EFHC2: variants seen among roughly 807,000 people sequenced by gnomAD.
The protein encoded by EFHC2 is EF-hand domain-containing family member C2.
EFHC2 carries 18 observed loss-of-function variants against 52.7 expected under a neutral mutation model. The observed-to-expected ratio is 0.34, with a 90% CI of 0.24 to 0.51. The LOEUF (loss-of-function observed/expected upper bound fraction) is 0.51, where lower values mean the gene tolerates loss of function less well. EFHC2 is among the 20% of genes least tolerant of loss of function. EFHC2 has a pLI of 0.97. For missense variants in EFHC2, 513 were observed against 562.5 expected (o/e 0.91, Z 0.89); for synonymous variants, 203 against 204.1 (o/e 0.99, Z 0.04).
At position 44,148,622 on chromosome X, in the gene EFHC2, T is replaced by C. The variant is rs2036542943; in HGVS notation, c.*173A>G. 9.5e-6 allele frequency: 4 copies of C among 422,453 alleles called. No individual in the cohort carries two copies. The Admixed American group carries it at 1.5e-4, about 16-fold the overall frequency. The allele number at this position is 422,453 out of a possible 1,213,427, so 34.8% of individuals were successfully genotyped here. A position where few individuals can be genotyped will look rare whatever the true frequency, so the allele number is the denominator to read the frequency against. On this transcript the variant is annotated 3_prime_UTR_variant, in exon 15 of 15. Transcript: ENST00000420999. ...AAATAGTAACAGTACGTCGGCAATGTAACATGATGTTCTGTAAAACTAACA... is the reference window on the plus strand; with the variant it reads ...AAATAGTAACAGTACGTCGGCAATGCAACATGATGTTCTGTAAAACTAACA...
At chrX:44,283,425 G>A (rs1014428403) in intron 2 of EFHC2, among the ~76,000 whole-genome samples, 1 of 111,218 alleles carries the variant, frequency 9.0e-6, no homozygotes, top group African/African-American at 3.3e-5. Flanking sequence ...CTCGTGATCC[G>A]CCCACCTCGG....
chrX:44,263,263 T>C (rs748647130), intron 3 of EFHC2, among the ~76,000 whole-genome samples: 6 of 112,541 alleles, frequency 5.3e-5, no homozygotes, highest in Admixed American at 9.4e-5. Context: ...CCTATCTTCT[T>C]TGTATTTTAT....
At chrX:44,230,909 CTGT>C (rs1240657831) in intron 10 of EFHC2, among the ~76,000 whole-genome samples, 1 of 111,320 alleles carries the variant, frequency 9.0e-6, no homozygotes, top group African/African-American at 3.3e-5. Context: ...CAAACAGGCA[CTGT>C]TGTTCCTCCC....
chrX:44,309,845 G>GC, intron 2 of EFHC2: 1 of 1,178,014 alleles, frequency 8.5e-7, no homozygotes, highest in Non-Finnish European at 1.2e-6. Flanking sequence ...CCAATCCAGC[G>GC]CAAGGCCCAA....
chrX:44,191,477 T>A (rs1442198835), intron 11 of EFHC2, among the ~76,000 whole-genome samples: 1 of 111,782 alleles, frequency 8.9e-6, no homozygotes, highest in African/African-American at 3.3e-5. Context: ...CCTTAGGTGA[T>A]CCACCTGCTT....
At chrX:44,229,270 G>A (rs763239146) in intron 11 of EFHC2, among the ~76,000 whole-genome samples, 3 of 111,764 alleles carry the variant, frequency 2.7e-5, no homozygotes, top group Non-Finnish European at 5.6e-5. Context: ...TCACATTCCT[G>A]GAGATGTCCC....
At chrX:44,318,455 C>G (rs1184726334) in intron 1 of EFHC2, among the ~76,000 whole-genome samples, 8 of 111,857 alleles carry the variant, frequency 7.2e-5, no homozygotes, top group African/African-American at 2.6e-4. Flanking sequence ...ACAGTGGGGA[C>G]AGCTGCACAG....
intron 8 of EFHC2, among the ~76,000 whole-genome samples, chrX:44,241,134 C>T (rs2037356201): frequency 9.0e-6 from 1 of 111,194 alleles, no homozygotes; most frequent in African/African-American, 3.3e-5. Context: ...TGCTTCTCCC[C>T]AGAATCTCCT....
intron 10 of EFHC2, among the ~76,000 whole-genome samples, chrX:44,231,158 C>T (rs1017550661): frequency 1.8e-5 from 2 of 111,975 alleles, no homozygotes; most frequent in Non-Finnish European, 3.8e-5. Flanking sequence ...CCATGGAGGG[C>T]GCTTCTCAGG....
In EFHC2 at chrX:44,248,325, A is replaced by G. The variant is rs766821631; in HGVS notation, c.1058T>C (p.Leu353Pro). The change falls in exon 7 of 15, where the codon CTT becomes CCT. Residue 353 changes from leucine (L) to proline (P), a missense_variant. Transcript: ENST00000420999. ...CTTCGTAAATTCATCACAGTCATAAAGGAGCACTTTTCTTCCCCACACATT... is the reference window on the plus strand; with the variant it reads ...CTTCGTAAATTCATCACAGTCATAAGGGAGCACTTTTCTTCCCCACACATT... ...TINVWGRKVLLYDCDEFTKSY... is the reference protein window; with the variant it reads ...TINVWGRKVLPYDCDEFTKSY... 2 of 1,169,160 alleles carry G rather than the reference A, an allele frequency of 1.7e-6. No individual in the cohort carries two copies. Among genetic ancestry groups the G allele is most frequent in the East Asian group, 3.2e-5 (1 of 31,281 alleles).
intron 3 of EFHC2, among the ~76,000 whole-genome samples, chrX:44,271,447 G>C (rs772387848): frequency 9.0e-6 from 1 of 111,398 alleles, no homozygotes; most frequent in Non-Finnish European, 1.9e-5. Flanking sequence ...ATTGTAGTTA[G>C]AGAAGACAAT....
At chrX:44,177,113 T>A (rs751957874) in intron 12 of EFHC2, among the ~76,000 whole-genome samples, 1 of 111,801 alleles carries the variant, frequency 8.9e-6, no homozygotes, top group East Asian at 2.8e-4. Flanking sequence ...GCCCCATTGT[T>A]CCTAAGAAGT....
At chrX:44,315,146 T>TC (rs1301088591) in intron 1 of EFHC2, among the ~76,000 whole-genome samples, 1 of 110,151 alleles carries the variant, frequency 9.1e-6, no homozygotes, top group African/African-American at 3.3e-5. Context: ...GTCTGGGACC[T>TC]CCCCCTTCTC....
intron 11 of EFHC2, among the ~76,000 whole-genome samples, chrX:44,215,445 T>G (rs1192063323): frequency 9.3e-6 from 1 of 107,464 alleles, no homozygotes; most frequent in Non-Finnish European, 1.9e-5. Context: ...AATGATAGTT[T>G]CTTACAAAGT....
At chrX:44,295,522 T>C (rs1191779933) in intron 2 of EFHC2, among the ~76,000 whole-genome samples, 6 of 111,498 alleles carry the variant, frequency 5.4e-5, no homozygotes, top group Non-Finnish European at 9.4e-5. Context: ...CCCTAAGCCA[T>C]GCAAAGGAGG....
intron 1 of EFHC2, among the ~76,000 whole-genome samples, chrX:44,316,753 T>G (rs1390155744): frequency 6.3e-5 from 7 of 111,904 alleles, no homozygotes; most frequent in Non-Finnish European, 1.3e-4. Context: ...GTCTATTATA[T>G]AGAATATATA....
intron 1 of EFHC2, among the ~76,000 whole-genome samples, chrX:44,329,312 TGGGA>T (rs1253817131): frequency 9.1e-6 from 1 of 110,032 alleles, no homozygotes; most frequent in Admixed American, 9.7e-5. Flanking sequence ...AAAAATAAAG[TGGGA>T]GGAAGAACTG....
At chrX:44,149,753 A>T (rs2036555334) in intron 14 of EFHC2, among the ~76,000 whole-genome samples, 1 of 111,862 alleles carries the variant, frequency 8.9e-6, no homozygotes, top group South Asian at 3.7e-4. Flanking sequence ...CCCGGCTTCA[A>T]GTTATATGTC....
At chrX:44,233,630 G>A (rs773166831) in intron 9 of EFHC2, among the ~76,000 whole-genome samples, 93 of 111,469 alleles carry the variant, frequency 8.3e-4, no homozygotes, top group Non-Finnish European at 1.0e-3. Flanking sequence ...ACAGGCTTCC[G>A]AGCTCTGTCA....
Sources: gnomAD v4.1 joint callset for allele counts (sites outside exome capture counted in the v4.1 genomes callset) on GRCh38, gnomAD v4.1.1 for gene constraint, MANE v1.5 for transcripts, NCBI Gene and HGNC (gene_info 2026-07-23, HGNC 2026-07-21) for gene names.